The following LTBP1 variants were observed in gnomAD, a reference collection of about 807,000 sequenced individuals.
LTBP1 encodes latent transforming growth factor beta binding protein 1, also known as latent-transforming growth factor beta-binding protein 1.
LTBP1 carries 129 observed loss-of-function variants against 207.6 expected under a neutral mutation model. That is an observed-to-expected ratio of 0.62 (90% CI 0.54 to 0.72). The LOEUF (loss-of-function observed/expected upper bound fraction) is 0.72. LTBP1 is among the 30% of genes least tolerant of loss of function. The pLI, the probability that LTBP1 is intolerant of heterozygous loss-of-function variation, is 0.00. For missense variants in LTBP1, 2,281 were observed against 2,217.2 expected, an observed-to-expected ratio of 1.03 and a Z score of -0.58; for synonymous variants, 963 against 833.7, an observed-to-expected ratio of 1.16 and a Z score of -2.67.
At chr2:33,340,184 A>G (rs564298532) in intron 24 of LTBP1, among the ~76,000 whole-genome samples, 33 of 150,728 alleles carry the variant, frequency 2.2e-4, no homozygotes, top group African/African-American at 7.6e-4. Context: ...CGTGAACCCA[A>G]TAGGTGGAGT....
intron 24 of LTBP1, among the ~76,000 whole-genome samples, chr2:33,332,650 G>A (rs999901571): frequency 2.6e-5 from 4 of 151,856 alleles, no homozygotes; most frequent in Admixed American, 6.6e-5. Flanking sequence ...TCCACCTCCC[G>A]GGTTCACGCC....
At chr2:33,363,916 A>G (rs1420307233) in intron 29 of LTBP1, among the ~76,000 whole-genome samples, 1 of 152,246 alleles carries the variant, frequency 6.6e-6, no homozygotes, top group Non-Finnish European at 1.5e-5. Context: ...GCAAAAGGAA[A>G]TAATTTTAAA....
intron 3 of LTBP1, among the ~76,000 whole-genome samples, chr2:33,070,380 G>A (rs1002575653): frequency 3.3e-5 from 5 of 152,208 alleles, no homozygotes; most frequent in South Asian, 4.1e-4. Context: ...CTGGGATGGC[G>A]AAACCTCTGA....
In LTBP1 at chr2:33,315,879, G is replaced by A. The variant is rs1411858456; in HGVS notation, c.3730+610G>A. ...TGTAACCCAGGAGGCAGAGGCTGCC[G>A]TGAGCCGAGATGGCACCATTGCACT... On this transcript the variant is annotated intron_variant, in intron 24 of 33. Transcript: ENST00000404816. 3.9e-5 allele frequency among the ~76,000 whole-genome samples: 6 copies of A among 152,196 alleles called. No homozygotes were observed. The East Asian group carries it at 5.8e-4, about 15-fold the overall frequency.
chr2:33,061,069 A>G (rs1009189192), intron 3 of LTBP1, among the ~76,000 whole-genome samples: 3 of 152,138 alleles, frequency 2.0e-5, no homozygotes, highest in Non-Finnish European at 1.5e-5. Context: ...TTGAGGGATG[A>G]TTATGGATAA....
intron 3 of LTBP1, among the ~76,000 whole-genome samples, chr2:33,087,084 CTTTTTT>C (rs35334788): frequency 2.2e-5 from 2 of 88,982 alleles, no homozygotes; most frequent in Non-Finnish European, 4.1e-5. Context: ...CTCCTTTATG[CTTTTTT>C]TTTTTTTTTT....
At chr2:33,149,506 A>C (rs565859505) in intron 5 of LTBP1, among the ~76,000 whole-genome samples, 1 of 152,312 alleles carries the variant, frequency 6.6e-6, no homozygotes, top group Non-Finnish European at 1.5e-5. Flanking sequence ...TGCCAGAGCA[A>C]ACCCACAGCT....
At chr2:33,082,815 A>G (rs1300742513) in intron 3 of LTBP1, among the ~76,000 whole-genome samples, 1 of 152,018 alleles carries the variant, frequency 6.6e-6, no homozygotes, top group African/African-American at 2.4e-5. Context: ...TTTTGAGGTC[A>G]TCTCCTCTCT....
At chr2:33,199,799 A>G (rs1420939451) in intron 7 of LTBP1, among the ~76,000 whole-genome samples, 3 of 152,062 alleles carry the variant, frequency 2.0e-5, no homozygotes, top group Admixed American at 6.5e-5. Context: ...AAATCAATGT[A>G]CAAAAATCAC....
At chr2:33,372,418 G>A (rs1574058254) in intron 31 of LTBP1, among the ~76,000 whole-genome samples, 1 of 152,236 alleles carries the variant, frequency 6.6e-6, no homozygotes, top group Non-Finnish European at 1.5e-5. Context: ...CATCAAATCT[G>A]TAGCCACAGA....
chr2:33,060,085 G>A (rs1225417331), intron 3 of LTBP1, among the ~76,000 whole-genome samples: 1 of 152,122 alleles, frequency 6.6e-6, no homozygotes, highest in African/African-American at 2.4e-5. Flanking sequence ...ACCTTGGACT[G>A]TGCACATGGA....
At chr2:33,106,136 A>T (rs928982783) in intron 3 of LTBP1, among the ~76,000 whole-genome samples, 1 of 152,224 alleles carries the variant, frequency 6.6e-6, no homozygotes, top group Non-Finnish European at 1.5e-5. Flanking sequence ...TCATGAGATT[A>T]TAGCAGTCCA....
chr2:33,180,687 C>T (rs2086535181), intron 5 of LTBP1, among the ~76,000 whole-genome samples: 1 of 152,020 alleles, frequency 6.6e-6, no homozygotes, highest in Non-Finnish European at 1.5e-5. Context: ...AACTCCTGGC[C>T]TTAAGTGATC....
At chr2:33,017,341 A>G (rs550909456) in intron 2 of LTBP1, among the ~76,000 whole-genome samples, 63 of 152,218 alleles carry the variant, frequency 4.1e-4, no homozygotes, top group Non-Finnish European at 6.8e-4. Context: ...CTGTTTCCAG[A>G]TGTTGTGTGT....
intron 19 of LTBP1, among the ~76,000 whole-genome samples, chr2:33,288,104 T>G (rs2093700318): frequency 6.6e-6 from 1 of 152,196 alleles, no homozygotes; most frequent in Non-Finnish European, 1.5e-5. Flanking sequence ...AAGCCTGTAT[T>G]GGTGATTAAG....
At chr2:33,353,020 G>A (rs907711584) in intron 26 of LTBP1, among the ~76,000 whole-genome samples, 5 of 129,612 alleles carry the variant, frequency 3.9e-5, no homozygotes, top group African/African-American at 6.0e-5. Flanking sequence ...GCTCCATTGC[G>A]CAGGCTGGAG....
Position 33,365,321 on chromosome 2 carries a change from C to T in LTBP1, c.4541-12C>T. On this transcript the variant is annotated splice_polypyrimidine_tract_variant and intron_variant, in intron 30 of 33. Coordinates refer to ENST00000404816, the MANE Select transcript of LTBP1 (RefSeq NM_206943.4). ...CTGTGCGATTTTCATGGAACTATGTCTTCCCTTTCAGAACAAATAGAAGAA... is the reference window on the plus strand; with the variant it reads ...CTGTGCGATTTTCATGGAACTATGTTTTCCCTTTCAGAACAAATAGAAGAA... 6.2e-7 allele frequency: 1 copy of T among 1,613,352 alleles called. No individual in the cohort carries two copies. The highest frequency in any genetic ancestry group is 1.7e-4 in the Middle Eastern group (1 of 6,060).
chr2:33,004,816 A>ATAG lies in LTBP1; in HGVS notation c.566-16093_566-16092insTAG, dbSNP rs1558501569. Among the ~76,000 whole-genome samples, 43 of 72,052 alleles carry ATAG rather than the reference A, an allele frequency of 6.0e-4. 1 individual carries two copies. Among genetic ancestry groups the ATAG allele is most frequent in the African/African-American group, 1.7e-3 (43 of 25,172 alleles). 47.3% of individuals were successfully genotyped at this position (72,052 alleles called of 152,430 possible). A position where few individuals can be genotyped will look rare whatever the true frequency, so the allele number is the denominator to read the frequency against. On this transcript the variant is annotated intron_variant, in intron 2 of 33. Transcript: ENST00000404816. ...ATATATATATATATATATATATATA[A>ATAG]ACATAAAATTTGTAAAATAGTATTT...
chr2:33,140,900 C>G (rs1430507339), intron 5 of LTBP1, among the ~76,000 whole-genome samples: 4 of 152,074 alleles, frequency 2.6e-5, no homozygotes, highest in Non-Finnish European at 2.9e-5. Flanking sequence ...AACTCCTGAC[C>G]CCAAGTGATC....
Sources: gnomAD v4.1 joint callset for allele counts (sites outside exome capture counted in the v4.1 genomes callset) on GRCh38, gnomAD v4.1.1 for gene constraint, MANE v1.5 for transcripts, NCBI Gene and HGNC (gene_info 2026-07-23, HGNC 2026-07-21) for gene names.